The following ZNF41 variants were observed in gnomAD, a reference collection of about 807,000 sequenced individuals.
ZNF41 encodes zinc finger protein 41.
A neutral mutation model predicts 9.3 loss-of-function variants in ZNF41; 6 were observed. The observed-to-expected ratio is 0.65, with a 90% CI of 0.35 to 1.28. The LOEUF (loss-of-function observed/expected upper bound fraction) is 1.28, where lower values mean the gene tolerates loss of function less well. Among genes scored for constraint, ZNF41 ranks in the 50% most tolerant of loss-of-function variants. The probability of loss-of-function intolerance (pLI) is 0.03; values close to 1 mark genes in which losing one functional copy is unlikely to be tolerated. For synonymous variants in ZNF41, 192 were observed against 207.1 expected (o/e 0.93, Z 0.63); for missense variants, 523 against 585.8 (o/e 0.89, Z 1.11).
rs2057036190 is a variant in ZNF41, at chrX:47,467,640, C to T, written c.-159G>A. ...CTGCAGTTTCCACTAAGAAGCCTGG[C>T]CCCCAGACTCTGCAGAGGCTCCAAG... On this transcript the variant is annotated 5_prime_UTR_variant, in exon 2 of 5. Transcript: ENST00000684689. The T allele has an allele frequency of 1.8e-6, 1 of 563,590 alleles. No homozygotes were observed. The highest frequency in any genetic ancestry group is 2.8e-6 in the Non-Finnish European group (1 of 353,878). 46.4% of individuals were successfully genotyped at this position (563,590 alleles called of 1,213,427 possible). A position where few individuals can be genotyped will look rare whatever the true frequency, so the allele number is the denominator to read the frequency against.
chrX:47,447,341 T>G lies in ZNF41; in HGVS notation c.*89A>C. On this transcript the variant is annotated 3_prime_UTR_variant, in exon 5 of 5. Coordinates refer to ENST00000684689, the MANE Select transcript of ZNF41 (RefSeq NM_001324144.2). ...TCAGTCTCTCATACCCATTTCCCCC[T>G]GTACAATGATTGCAGCAACAGGCCT... 8.8e-7 allele frequency: 1 copy of G among 1,137,475 alleles called. No individual in the cohort carries two copies. Among genetic ancestry groups the G allele is most frequent in the Non-Finnish European group, 1.2e-6 (1 of 837,455 alleles). 93.7% of individuals were successfully genotyped at this position (1,137,475 alleles called of 1,213,427 possible).
At chrX:47,482,083 C>T (rs1373978937) in intron 1 of ZNF41, among the ~76,000 whole-genome samples, 3 of 109,366 alleles carry the variant, frequency 2.7e-5, no homozygotes, top group African/African-American at 6.7e-5. Context: ...GTAGTCACCC[C>T]GCACAGCCCT....
rs376862192 is a variant in ZNF41 at position 47,466,078 on chromosome X, T to G, written c.72+1332A>C. Among the ~76,000 whole-genome samples, 10 of 111,152 alleles carry G rather than the reference T, an allele frequency of 9.0e-5. No homozygotes were observed. The East Asian group carries it at 1.7e-3, about 19-fold the overall frequency. Reference sequence around the variant, plus strand: ...AAAGGAAAAAACAACTGAAAGGAAATACAGCTAAATGTTAACACTGGTTAA... The same window carrying G: ...AAAGGAAAAAACAACTGAAAGGAAAGACAGCTAAATGTTAACACTGGTTAA... On this transcript the variant is annotated intron_variant, in intron 2 of 4. Coordinates refer to ENST00000684689, the MANE Select transcript of ZNF41 (RefSeq NM_001324144.2).
At chrX:47,469,042 T>A (rs1344085090) in intron 1 of ZNF41, among the ~76,000 whole-genome samples, 2 of 110,794 alleles carry the variant, frequency 1.8e-5, no homozygotes, top group African/African-American at 6.6e-5. Flanking sequence ...CCGGGCGCGG[T>A]GGCTCACGCC....
chrX:47,467,436 C>T lies in ZNF41; in HGVS notation c.46G>A (p.Ala16Thr), dbSNP rs1460017752. 5.9e-6 allele frequency: 7 copies of T among 1,187,831 alleles called. No individual in the cohort carries two copies. Among genetic ancestry groups the T allele is most frequent in the African/African-American group, 1.8e-5 (1 of 57,109 alleles). ...TCACATGAGCTGCCACGTCCCTCTG[C>T]AGCCAGGGCCGGGGACCATGGGGGA... The part of the protein sequence containing the change: ...DSPPWSPALA[A>T]EGRGSSCEAS... The change falls in exon 2 of 5, where the codon GCA (alanine) becomes ACA (threonine). Residue 16 changes from alanine to threonine, a missense_variant. By Grantham distance (58) the Ala-to-Thr change is moderately conservative. Transcript: ENST00000684689.
rs183575975 is a variant in ZNF41 at position 47,476,038 on chromosome X, C to T, written c.-280+7057G>A. ...TAGGAACATATGAAAACTATAAGGA[C>T]ACCATCAGGAAAGTGAAAAGGCACA... On this transcript the variant is annotated intron_variant, in intron 1 of 4. Transcript: ENST00000684689. 3.2e-3 allele frequency among the ~76,000 whole-genome samples: 358 copies of T among 111,382 alleles called. 2 individuals are homozygous for T. Among genetic ancestry groups the T allele is most frequent in the Non-Finnish European group, 5.8e-3 (308 of 52,956 alleles).
rs771260797 is a variant in ZNF41 at position 47,447,510 on chromosome X, T to C, written c.2260A>G (p.Lys754Glu). The change falls in exon 5 of 5, where the codon AAG becomes GAG. Residue 754 changes from lysine (K) to glutamate (E), a missense_variant. Physicochemically the swap from Lys to Glu is moderately conservative, Grantham distance 56. Transcript: ENST00000684689. ...KKPYACTECQ[K>E]AFTDRSNLIK... is the part of the protein sequence containing the mutation. ...AGATTCGATCTGTCAGTAAAGGCCT[T>C]CTGACATTCTGTACAAGCATAAGGT... The C allele has an allele frequency of 1.1e-5, 13 of 1,209,805 alleles. No homozygotes were observed. The highest frequency in any genetic ancestry group is 5.9e-5 in the East Asian group (2 of 33,795).
At chrX:47,467,147 G>C (rs745850381) in intron 2 of ZNF41, among the ~76,000 whole-genome samples, 20 of 111,747 alleles carry the variant, frequency 1.8e-4, no homozygotes, top group Non-Finnish European at 3.6e-4. Flanking sequence ...AGGCTGTAGG[G>C]CTCACCTTCC....
chrX:47,448,650 G>A lies in ZNF41; in HGVS notation c.1120C>T (p.Leu374=), dbSNP rs2056226361. The stretch of plus-strand genomic sequence containing the variant: ...GGTTTTTCTCCTGTATGAATTCTCA[G>A]ATGTCTAAAGAGGTCTGATCTCTGG... The part of the protein sequence containing the change: ...FFQRSDLFRH[L]RIHTGEKPYE... The change falls in exon 5 of 5, where the codon CTG becomes TTG. Residue 374 remains leucine (L), a synonymous_variant. Transcript: ENST00000684689. The A allele has an allele frequency of 8.3e-7, 1 of 1,211,766 alleles. No individual in the cohort carries two copies. Among genetic ancestry groups the A allele is most frequent in the Non-Finnish European group, 1.1e-6 (1 of 895,572 alleles).
intron 2 of ZNF41, among the ~76,000 whole-genome samples, chrX:47,460,450 A>C (rs1022490606): frequency 4.5e-5 from 5 of 112,086 alleles, no homozygotes. Context: ...ATTCATTTAA[A>C]ACACAGCATT....
chrX:47,459,102 C>A (rs1429976742), intron 2 of ZNF41, among the ~76,000 whole-genome samples: 3 of 110,149 alleles, frequency 2.7e-5, no homozygotes, highest in Non-Finnish European at 5.7e-5. Context: ...GTAATCCCAG[C>A]ACTTTGGGAG....
At chrX:47,462,944 T>TACAC (rs201480703) in intron 2 of ZNF41, among the ~76,000 whole-genome samples, 3 of 59,817 alleles carry the variant, frequency 5.0e-5, no homozygotes, top group African/African-American at 1.6e-4. Context: ...CATATATATA[T>TACAC]ATACACACAC....
intron 1 of ZNF41, among the ~76,000 whole-genome samples, chrX:47,481,780 T>G (rs2057479625): frequency 8.9e-6 from 1 of 112,269 alleles, no homozygotes; most frequent in African/African-American, 3.2e-5. Context: ...AGATAAGCAT[T>G]AAATTCAGGA....
intron 4 of ZNF41, among the ~76,000 whole-genome samples, chrX:47,450,784 G>T (rs2056335434): frequency 9.0e-6 from 1 of 111,148 alleles, no homozygotes; most frequent in Non-Finnish European, 1.9e-5. Flanking sequence ...CTTCCCACTG[G>T]ACTACACAGT....
At chrX:47,475,857 C>A (rs776179954) in intron 1 of ZNF41, among the ~76,000 whole-genome samples, 1 of 111,788 alleles carries the variant, frequency 8.9e-6, no homozygotes, top group East Asian at 2.8e-4. Flanking sequence ...CTTTGACCAA[C>A]AGAATTATCC....
chrX:47,470,223 C>G (rs1246236989), intron 1 of ZNF41, among the ~76,000 whole-genome samples: 1 of 106,604 alleles, frequency 9.4e-6, no homozygotes, highest in Non-Finnish European at 1.9e-5. Flanking sequence ...CCCATCCTGG[C>G]CAACATGGTG....
rs186160175 is a variant in ZNF41 at position 47,446,473 on chromosome X, T to C, written c.*957A>G. On this transcript the variant is annotated 3_prime_UTR_variant, in exon 5 of 5. Transcript: ENST00000684689. ...TTTTCAACCATTCTTTTTCAGGAAATCCCAAGGAAAGCAGGGGTGTTGGTG... is the reference window on the plus strand; with the variant it reads ...TTTTCAACCATTCTTTTTCAGGAAACCCCAAGGAAAGCAGGGGTGTTGGTG... 3.3e-3 allele frequency: 359 copies of C among 109,807 alleles called. 1 individual carries two copies. Among genetic ancestry groups the C allele is most frequent in the African/African-American group, 0.011 (346 of 30,248 alleles). The allele number at this position is 109,807 out of a possible 1,213,427, so 9.0% of individuals were successfully genotyped here.
chrX:47,449,284 A>G lies in ZNF41; in HGVS notation c.486T>C (p.Ile162=). ...NNLLSHVKVL[I]KERGYEHKNI... The stretch of plus-strand genomic sequence containing the variant: ...TTTTATGTTCATAGCCCCTCTCCTT[A>G]ATCAATACTTTCACATGACTTAAAA... Residue 162 remains isoleucine (I), a synonymous_variant, in exon 5 of 5, where the codon ATT becomes ATC. Coordinates refer to ENST00000684689, the MANE Select transcript of ZNF41 (RefSeq NM_001324144.2). 8.3e-7 allele frequency: 1 copy of G among 1,211,134 alleles called. No homozygotes were observed. Among genetic ancestry groups the G allele is most frequent in the Non-Finnish European group, 1.1e-6 (1 of 895,137 alleles).
chrX:47,462,785 C>A (rs1032155873), intron 2 of ZNF41, among the ~76,000 whole-genome samples: 1 of 108,934 alleles, frequency 9.2e-6, no homozygotes, highest in Non-Finnish European at 1.9e-5. Flanking sequence ...TGAGACAGGG[C>A]GTCACTCTGC....
Sources: allele counts gnomAD v4.1 joint callset (sites outside exome capture counted in the v4.1 genomes callset), GRCh38; gene constraint gnomAD v4.1.1; transcripts MANE v1.5; gene names NCBI Gene and HGNC (gene_info 2026-07-23, HGNC 2026-07-21).